The following GSPT1 variants were observed in gnomAD, a reference collection of about 807,000 sequenced individuals.
GSPT1 encodes eukaryotic peptide chain release factor GTP-binding subunit ERF3A.
GSPT1 carries 20 observed loss-of-function variants against 72.5 expected under a neutral mutation model. The ratio of observed to expected loss-of-function variants is 0.28; its 90% CI spans 0.19 to 0.40. GSPT1 has a LOEUF of 0.40. Ranked by LOEUF, GSPT1 falls within the 10% of genes least tolerant of loss-of-function variation. The probability of loss-of-function intolerance (pLI) is 1.00; values close to 1 mark genes in which losing one functional copy is unlikely to be tolerated. For missense variants in GSPT1, 580 were observed against 811.9 expected, an observed-to-expected ratio of 0.71 and a Z score of 3.47; for synonymous variants, 334 against 293.5, an observed-to-expected ratio of 1.14 and a Z score of -1.41.
At chr16:11,883,210 G>T in intron 10 of GSPT1, 115 bp from the exon 11 acceptor site, 1 of 670,250 alleles carries the variant, frequency 1.5e-6, no homozygotes. Context: ...ATTTGCTTAA[G>T]TAGAAGGCTT....
chr16:11,894,771 T>C (rs1222317378), intron 5 of GSPT1, among the ~76,000 whole-genome samples, 183 bp downstream of exon 5: 1 of 152,208 alleles, frequency 6.6e-6, no homozygotes, highest in Non-Finnish European at 1.5e-5. Flanking sequence ...ATTATAGGTG[T>C]GTTCCACCAC....
intron 8 of GSPT1, 55 bp from the exon 9 acceptor site, chr16:11,886,666 A>C: frequency 6.4e-7 from 1 of 1,551,378 alleles, no homozygotes; most frequent in Non-Finnish European, 8.9e-7. Flanking sequence ...CAAGAACTCT[A>C]GTTTCCTAAG....
At chr16:11,874,963 G>A (rs559915073) in intron 14 of GSPT1, among the ~76,000 whole-genome samples, 41 of 152,316 alleles carry the variant, frequency 2.7e-4, no homozygotes, top group African/African-American at 9.1e-4. Flanking sequence ...AGGCCAAGGC[G>A]GGCGGATCAC....
chr16:11,877,410 G>A lies in GSPT1; in HGVS notation c.1599C>T (p.Ala533=). 1 of 1,569,142 alleles carries A rather than the reference G, an allele frequency of 6.4e-7. No homozygotes were observed. Among genetic ancestry groups the A allele is most frequent in the Non-Finnish European group, 8.6e-7 (1 of 1,158,732 alleles). ...ACAACAACAATAATTTGTTTACCTGGGCATCAAATGTGCGTCCAGAATGAC... is the reference window on the plus strand; with the variant it reads ...ACAACAACAATAATTTGTTTACCTGAGCATCAAATGTGCGTCCAGAATGAC... ...NLCHSGRTFD[A]QIVIIEHKSI... is the part of the protein sequence containing the mutation. Residue 533 remains alanine, a synonymous_variant, in exon 12 of 15, where the codon GCC becomes GCT. Coordinates refer to ENST00000434724, the MANE Select transcript of GSPT1 (RefSeq NM_002094.4). The surrounding 1 kb of genome is among the most constrained non-coding windows in gnomAD (Gnocchi z 4.0).
In GSPT1 at chr16:11,872,145, T is replaced by C. The variant is rs1218518582; in HGVS notation, c.*974A>G. ...AACTTGTAGAAGTGGCACTTGCAAC[T>C]GATACGGTTTTCATACTAGAGGCAT... On this transcript the variant is annotated 3_prime_UTR_variant, in exon 15 of 15. Transcript: ENST00000434724. 6.6e-6 allele frequency: 1 copy of C among 152,196 alleles called. No individual in the cohort carries two copies. Among genetic ancestry groups the C allele is most frequent in the Non-Finnish European group, 1.5e-5 (1 of 68,028 alleles). 9.4% of individuals were successfully genotyped at this position (152,196 alleles called of 1,614,324 possible).
chr16:11,878,221 TTC>T (rs2054071611), intron 11 of GSPT1, among the ~76,000 whole-genome samples: 1 of 152,160 alleles, frequency 6.6e-6, no homozygotes, highest in South Asian at 2.1e-4. Context: ...GTTCAAGCCA[TTC>T]TCCTGCCTCA....
intron 13 of GSPT1, 49 bp from the exon 14 acceptor site, chr16:11,875,978 A>AAAG: frequency 6.5e-7 from 1 of 1,543,982 alleles, no homozygotes; most frequent in Non-Finnish European, 8.9e-7. Flanking sequence ...CAAATAAAAT[A>AAAG]ATCTTTAAGA....
chr16:11,913,997 T>A (rs2054593175), intron 1 of GSPT1, among the ~76,000 whole-genome samples: 1 of 152,178 alleles, frequency 6.6e-6, no homozygotes, highest in Non-Finnish European at 1.5e-5. Flanking sequence ...TGACAAAAGT[T>A]TCTGTAGAAA....
intron 5 of GSPT1, among the ~76,000 whole-genome samples, chr16:11,892,506 C>CAAAAAAAAAAAAAAA (rs777010436): frequency 9.8e-4 from 59 of 60,188 alleles, no homozygotes; most frequent in Non-Finnish European, 1.1e-3. Context: ...GACCCTTTCT[C>CAAAAAAAAAAAAAAA]AAAAAAACAA....
intron 1 of GSPT1, among the ~76,000 whole-genome samples, chr16:11,900,360 CAT>C (rs1170578891): frequency 6.6e-6 from 1 of 150,892 alleles, no homozygotes; most frequent in Non-Finnish European, 1.5e-5. Flanking sequence ...AAAATGAATA[CAT>C]ATATATATGT....
intron 1 of GSPT1, among the ~76,000 whole-genome samples, chr16:11,903,008 C>T (rs1435860062): frequency 2.6e-5 from 4 of 151,948 alleles, no homozygotes; most frequent in Non-Finnish European, 4.4e-5. Flanking sequence ...TGAGCCACCG[C>T]GCCCGGCTTC....
chr16:11,875,006 G>C (rs74738468), intron 14 of GSPT1, among the ~76,000 whole-genome samples: 1 of 152,110 alleles, frequency 6.6e-6, no homozygotes, highest in Non-Finnish European at 1.5e-5. Context: ...CCTGGCTAAC[G>C]TGGTGAAACC....
Position 11,891,073 on chromosome 16 carries a change from G to T in GSPT1, c.765C>A (p.Asn255Lys). ...EKYEREAKEK[N>K]RETWYLSWAL... ...AAAGTTTACTATACCAAGTTTCTCTGTTTTTCTCTTTAGCTTCTCTTTCAT... is the reference window on the plus strand; with the variant it reads ...AAAGTTTACTATACCAAGTTTCTCTTTTTTTCTCTTTAGCTTCTCTTTCAT... Residue 255 changes from asparagine to lysine, a missense_variant, in exon 6 of 15, where the codon AAC becomes AAA. This residue lies in a region of GSPT1 where 51 missense variants were observed against 118.2 expected (regional missense o/e 0.43). Transcript: ENST00000434724. 1 of 1,462,186 alleles carries T rather than the reference G, an allele frequency of 6.8e-7. No homozygotes were observed. Among genetic ancestry groups the T allele is most frequent in the African/African-American group, 1.4e-5 (1 of 70,540 alleles). 90.6% of individuals were successfully genotyped at this position (1,462,186 alleles called of 1,614,324 possible). A position where few individuals can be genotyped will look rare whatever the true frequency, so the allele number is the denominator to read the frequency against.
At chr16:11,911,091 C>G (rs1308649932) in intron 1 of GSPT1, among the ~76,000 whole-genome samples, 2 of 152,206 alleles carry the variant, frequency 1.3e-5, no homozygotes, top group Admixed American at 1.3e-4. Flanking sequence ...CCTAAAAACA[C>G]CTTTATATGA....
In GSPT1 at chr16:11,877,470, A is replaced by G; in HGVS notation, c.1539T>C (p.Leu513=). ...TAGGATCACAAAGTATAAACCCTGG[A>G]AGAATCTCCTCTTCTTCAATTCCTT... ...RLKGIEEEEI[L]PGFILCDPNN... is the part of the protein sequence containing the mutation. Residue 513 remains leucine (L), a synonymous_variant, in exon 12 of 15, where the codon CTT becomes CTC. Transcript: ENST00000434724. This position sits in a 1 kb window ranked among gnomAD's most constrained non-coding sequence, Gnocchi z 4.0. The G allele has an allele frequency of 6.2e-7, 1 of 1,612,376 alleles. No homozygotes were observed. Among genetic ancestry groups the G allele is most frequent in the Non-Finnish European group, 8.5e-7 (1 of 1,178,782 alleles).
rs2141275044 is a variant in GSPT1, at chr16:11,877,590, A to G, written c.1429-10T>C. On this transcript the variant is annotated splice_polypyrimidine_tract_variant and intron_variant, in intron 11 of 14. Coordinates refer to ENST00000434724, the MANE Select transcript of GSPT1 (RefSeq NM_002094.4). The surrounding 1 kb of genome is among the most constrained non-coding windows in gnomAD (Gnocchi z 4.0). ...GAACTTCCACGTTGTGCTTTAAAAG[A>G]AAACAAGACTGGAGGTTTTCTGACA... 3 of 1,564,174 alleles carry G rather than the reference A, an allele frequency of 1.9e-6. No homozygotes were observed. In the East Asian group the frequency reaches 6.8e-5, roughly 35 times the overall value.
chr16:11,904,311 C>T (rs755092565), intron 1 of GSPT1, among the ~76,000 whole-genome samples: 36 of 152,118 alleles, frequency 2.4e-4, no homozygotes, highest in South Asian at 1.0e-3. Context: ...CAAGCGATTC[C>T]CCTGCCTCAG....
chr16:11,868,700 G>A lies in GSPT1; in HGVS notation c.*4419C>T, dbSNP rs1257129306. 1.3e-5 allele frequency: 2 copies of A among 152,266 alleles called. No individual in the cohort carries two copies. The highest frequency in any genetic ancestry group is 4.8e-5 in the African/African-American group (2 of 41,454). 9.4% of individuals were successfully genotyped at this position (152,266 alleles called of 1,614,324 possible). A position where few individuals can be genotyped will look rare whatever the true frequency, so the allele number is the denominator to read the frequency against. On this transcript the variant is annotated 3_prime_UTR_variant, in exon 15 of 15. Transcript: ENST00000434724. ...GACATCTGAAGCACTAAGCTAATGT[G>A]CCTGGTAGAGGGGAGCCTCAGGAAG...
chr16:11,915,028 T>G, intron 1 of GSPT1: 1 of 1,290,254 alleles, frequency 7.8e-7, no homozygotes, highest in Non-Finnish European at 1.0e-6. Flanking sequence ...ATTCTGCGCC[T>G]CGTGGCAGGG....
Sources: allele counts gnomAD v4.1 joint callset (sites outside exome capture counted in the v4.1 genomes callset), GRCh38; gene constraint gnomAD v4.1.1; regional missense constraint gnomAD v4.1.1; non-coding constraint Gnocchi (gnomAD v3.1); transcripts MANE v1.5; gene names NCBI Gene and HGNC (gene_info 2026-07-23, HGNC 2026-07-21).